The following HIVEP2 variants were observed in gnomAD, a reference collection of about 807,000 sequenced individuals.
HIVEP2 encodes transcription factor HIVEP2.
Under a neutral mutation model 180.7 loss-of-function variants are expected in HIVEP2, and 14 were observed. The observed-to-expected ratio is 0.08, with a 90% CI of 0.05 to 0.12. The LOEUF is 0.12. Ranked by LOEUF, HIVEP2 falls within the 10% of genes least tolerant of loss-of-function variation. The pLI is 1.00. For missense variants in HIVEP2, 2,579 were observed against 3,008.5 expected (o/e 0.86, Z 3.34); for synonymous variants, 1,184 against 1,136.4 (o/e 1.04, Z -0.84).
chr6:142,753,518 A>C lies in HIVEP2; in HGVS notation c.6930T>G (p.Thr2310=), dbSNP rs757747865. ...CTGTTGCGTTTAGGCTGTCTTCCGAAGTGCTCTGTTTCATCAACAGCCGAG... is the reference window on the plus strand; with the variant it reads ...CTGTTGCGTTTAGGCTGTCTTCCGACGTGCTCTGTTTCATCAACAGCCGAG... ...SSPRLLMKQS[T]SEDSLNATER... The change falls in exon 10 of 10, where the codon ACT becomes ACG. Residue 2310 remains threonine, a synonymous_variant. Coordinates refer to ENST00000367603, the MANE Select transcript of HIVEP2 (RefSeq NM_006734.4). 3.7e-5 allele frequency: 60 copies of C among 1,614,044 alleles called. No homozygotes were observed. Among genetic ancestry groups the C allele is most frequent in the Non-Finnish European group, 5.1e-6 (6 of 1,180,046 alleles).
At chr6:142,802,905 T>C (rs1776448948) in intron 2 of HIVEP2, among the ~76,000 whole-genome samples, 2 of 152,198 alleles carry the variant, frequency 1.3e-5, no homozygotes, top group African/African-American at 4.8e-5. Context: ...CTTTACAACA[T>C]AAAATTCTGA....
At chr6:142,798,547 G>A (rs938752502) in intron 2 of HIVEP2, among the ~76,000 whole-genome samples, 1 of 152,094 alleles carries the variant, frequency 6.6e-6, no homozygotes, top group South Asian at 2.1e-4. Flanking sequence ...CCATGAAGAT[G>A]GCATGAAACC....
intron 1 of HIVEP2, among the ~76,000 whole-genome samples, chr6:142,902,722 A>T (rs9496476): frequency 0.11 from 16,118 of 152,164 alleles, 1,030 homozygotes; most frequent in South Asian, 0.13. Flanking sequence ...TCTGGCAGCT[A>T]TTTAAATAGG....
intron 1 of HIVEP2, among the ~76,000 whole-genome samples, chr6:142,874,214 T>C (rs1272122954): frequency 6.6e-6 from 1 of 152,178 alleles, no homozygotes; most frequent in Admixed American, 6.5e-5. Context: ...CTTTTTCAAC[T>C]ACTCATGAAT....
At chr6:142,794,461 C>T (rs900444727) in intron 2 of HIVEP2, among the ~76,000 whole-genome samples, 2 of 152,138 alleles carry the variant, frequency 1.3e-5, no homozygotes, top group African/African-American at 4.8e-5. Flanking sequence ...TTTTCCTTAG[C>T]CTTCAACTGT....
chr6:142,938,877 T>C (rs970583889), intron 1 of HIVEP2, among the ~76,000 whole-genome samples: 4 of 152,148 alleles, frequency 2.6e-5, no homozygotes, highest in Non-Finnish European at 5.9e-5. Flanking sequence ...TGCACTACAC[T>C]ATCTGTCCAG....
chr6:142,823,420 T>G (rs768526540), intron 2 of HIVEP2, among the ~76,000 whole-genome samples: 14 of 152,188 alleles, frequency 9.2e-5, no homozygotes, highest in Non-Finnish European at 1.6e-4. Context: ...GTGACTGAGT[T>G]GGAATGCCCT....
At chr6:142,913,138 G>A (rs1201289944) in intron 1 of HIVEP2, among the ~76,000 whole-genome samples, 2 of 152,156 alleles carry the variant, frequency 1.3e-5, no homozygotes, top group Middle Eastern at 3.2e-3. Context: ...TGACCTATGG[G>A]AACCGAACTG....
At position 142,873,828 on chromosome 6, in the gene HIVEP2, T is replaced by C. The variant is rs188440937; in HGVS notation, c.-640-36781A>G. Among the ~76,000 whole-genome samples the C allele has an allele frequency of 2.5e-3, 377 of 152,306 alleles. 1 individual carries two copies. Among genetic ancestry groups the C allele is most frequent in the Non-Finnish European group, 4.1e-3 (282 of 68,022 alleles). ...AGGTGTTCCCTAGCTCCTGAATTTT[T>C]TTAAGTTGACCAATAATTTTTCAAA... is the stretch of plus-strand genomic sequence containing the variant. On this transcript the variant is annotated intron_variant, in intron 1 of 9. Coordinates refer to ENST00000367603, the MANE Select transcript of HIVEP2 (RefSeq NM_006734.4).
At chr6:142,820,273 C>T (rs1384035350) in intron 2 of HIVEP2, among the ~76,000 whole-genome samples, 2 of 150,486 alleles carry the variant, frequency 1.3e-5, no homozygotes, top group African/African-American at 4.9e-5. Context: ...CTTATCACCA[C>T]TACTTTACCA....
chr6:142,938,166 T>G (rs1405429792), intron 1 of HIVEP2, among the ~76,000 whole-genome samples: 2 of 152,200 alleles, frequency 1.3e-5, no homozygotes, highest in Non-Finnish European at 2.9e-5. Context: ...TTTCCAAGTT[T>G]TCACAGAAAG....
At chr6:142,766,375 A>G (rs1775380395) in intron 6 of HIVEP2, among the ~76,000 whole-genome samples, 1 of 152,162 alleles carries the variant, frequency 6.6e-6, no homozygotes, top group African/African-American at 2.4e-5. Context: ...CTTCAAAATT[A>G]TTTTGAATTT....
chr6:142,857,007 T>C (rs188476497), intron 1 of HIVEP2, among the ~76,000 whole-genome samples: 1 of 152,306 alleles, frequency 6.6e-6, no homozygotes, highest in East Asian at 1.9e-4. Flanking sequence ...GTTGCCCAAA[T>C]GGTCTCCTCT....
chr6:142,887,234 T>C (rs924998236), intron 1 of HIVEP2, among the ~76,000 whole-genome samples: 1 of 151,128 alleles, frequency 6.6e-6, no homozygotes, highest in Non-Finnish European at 1.5e-5. Context: ...TTTTGGAAAA[T>C]GAACAATAAA....
intron 1 of HIVEP2, among the ~76,000 whole-genome samples, chr6:142,932,232 A>G (rs1315036815): frequency 1.3e-5 from 2 of 152,152 alleles, no homozygotes; most frequent in Non-Finnish European, 2.9e-5. Context: ...TTCTATCTAT[A>G]TTTATACTCT....
At chr6:142,944,864 C>T (rs1270154997) in intron 1 of HIVEP2, 1 of 152,308 alleles carries the variant, frequency 6.6e-6, no homozygotes, top group Non-Finnish European at 1.5e-5. Context: ...GGTGCACCCG[C>T]AAGGCGAGGG....
At chr6:142,874,775 A>G (rs1397628347) in intron 1 of HIVEP2, among the ~76,000 whole-genome samples, 2 of 152,128 alleles carry the variant, frequency 1.3e-5, no homozygotes, top group Non-Finnish European at 2.9e-5. Context: ...GACCTTAAGG[A>G]GGTCAACTGG....
chr6:142,818,661 T>A (rs1582886573), intron 2 of HIVEP2, among the ~76,000 whole-genome samples: 1 of 67,190 alleles, frequency 1.5e-5, no homozygotes, highest in Admixed American at 1.6e-4. Context: ...AGAGTAAAAC[T>A]CTGTCAAAAA....
At chr6:142,929,517 T>C (rs1002074528) in intron 1 of HIVEP2, among the ~76,000 whole-genome samples, 1 of 152,192 alleles carries the variant, frequency 6.6e-6, no homozygotes, top group Non-Finnish European at 1.5e-5. Context: ...GCACCTCTTT[T>C]ACACCATGAA....
Sources: allele counts gnomAD v4.1 joint callset (sites outside exome capture counted in the v4.1 genomes callset), GRCh38; gene constraint gnomAD v4.1.1; transcripts MANE v1.5; gene names NCBI Gene and HGNC (gene_info 2026-07-23, HGNC 2026-07-21).